Variants in SPOCK3 observed in about 807,000 individuals in gnomAD.
SPOCK3 encodes testican-3.
SPOCK3 carries 30 observed loss-of-function variants against 56.6 expected under a neutral mutation model. That is an observed-to-expected ratio of 0.53 (90% CI 0.40 to 0.72). The LOEUF is 0.72. Ranked by LOEUF, SPOCK3 falls within the 30% of genes least tolerant of loss-of-function variation. SPOCK3 has a pLI of 0.00. For synonymous variants in SPOCK3, 196 were observed against 183.3 expected, an observed-to-expected ratio of 1.07 and a Z score of -0.56; for missense variants, 527 against 530.0, an observed-to-expected ratio of 0.99 and a Z score of 0.06.
intron 4 of SPOCK3, among the ~76,000 whole-genome samples, chr4:166,929,972 T>A (rs1739551322): frequency 6.6e-6 from 1 of 152,154 alleles, no homozygotes; most frequent in South Asian, 2.1e-4. Flanking sequence ...TTCATCTAAA[T>A]AATGTTTAAA....
chr4:166,776,327 C>T (rs750540995), intron 7 of SPOCK3, among the ~76,000 whole-genome samples: 15 of 152,106 alleles, frequency 9.9e-5, no homozygotes, highest in Non-Finnish European at 1.9e-4. Context: ...GCAGGAGAAT[C>T]GCTTCAACCC....
chr4:167,065,062 T>G (rs1378652615), intron 2 of SPOCK3, among the ~76,000 whole-genome samples: 4 of 56,862 alleles, frequency 7.0e-5, no homozygotes, highest in East Asian at 4.3e-4. Flanking sequence ...AAAAAAAAAG[T>G]CAAACGCAGC....
At position 166,737,535 on chromosome 4, in the gene SPOCK3, T is replaced by C; in HGVS notation, c.1064A>G (p.Gln355Arg). Reference sequence around the variant, plus strand: ...TCCATATCTGTCAACACACCAGCACTGTCCAACACTGCCATGACATTGTGT... The same window carrying C: ...TCCATATCTGTCAACACACCAGCACCGTCCAACACTGCCATGACATTGTGT... ...KPTQCHGSVGQCWCVDRYGNE... is the reference protein window; with the variant it reads ...KPTQCHGSVGRCWCVDRYGNE... Residue 355 changes from glutamine (Q) to arginine (R), a missense_variant, in exon 10 of 11, where the codon CAG (glutamine) becomes CGG (arginine). Coordinates refer to ENST00000357545, the MANE Select transcript of SPOCK3 (RefSeq NM_001040159.2). 2 of 1,613,300 alleles carry C rather than the reference T, an allele frequency of 1.2e-6. No individual in the cohort carries two copies. The highest frequency in any genetic ancestry group is 1.7e-6 in the Non-Finnish European group (2 of 1,179,522).
intron 10 of SPOCK3, 101 bp downstream of exon 10, chr4:166,737,366 A>G (rs988107050): frequency 1.4e-4 from 172 of 1,271,626 alleles, no homozygotes; most frequent in Non-Finnish European, 1.7e-4. Flanking sequence ...CAGTCTTTGC[A>G]TAGAGTAAGT....
At chr4:167,120,953 A>G (rs1373631413) in intron 2 of SPOCK3, among the ~76,000 whole-genome samples, 1 of 151,864 alleles carries the variant, frequency 6.6e-6, no homozygotes, top group East Asian at 1.9e-4. Context: ...ATCATTACCA[A>G]ATGTCTATTT....
chr4:166,958,932 T>A (rs1293786488), intron 4 of SPOCK3, among the ~76,000 whole-genome samples: 1 of 152,118 alleles, frequency 6.6e-6, no homozygotes, highest in East Asian at 1.9e-4. Flanking sequence ...ATAAAATCAG[T>A]AAACGTGTTG....
intron 2 of SPOCK3, among the ~76,000 whole-genome samples, chr4:167,216,737 C>A (rs754239741): frequency 1.3e-5 from 2 of 152,060 alleles, no homozygotes; most frequent in Non-Finnish European, 2.9e-5. Context: ...CAGCTGAGAA[C>A]TGTGAATTCT....
chr4:167,037,389 G>A (rs770692116), intron 3 of SPOCK3, among the ~76,000 whole-genome samples: 1 of 151,932 alleles, frequency 6.6e-6, no homozygotes, highest in Non-Finnish European at 1.5e-5. Flanking sequence ...GGCTGAGGCA[G>A]GAAAATCGCT....
At chr4:167,161,877 C>T (rs1008152338) in intron 2 of SPOCK3, among the ~76,000 whole-genome samples, 22 of 102,772 alleles carry the variant, frequency 2.1e-4, no homozygotes, top group Non-Finnish European at 3.4e-4. Context: ...ACATCACACA[C>T]GGGGGACTGT....
chr4:166,793,266 T>G (rs955693335), intron 6 of SPOCK3, among the ~76,000 whole-genome samples: 8 of 152,052 alleles, frequency 5.3e-5, no homozygotes, highest in African/African-American at 1.9e-4. Flanking sequence ...CCATATACAT[T>G]ATATTATATG....
At chr4:167,070,960 T>C (rs1489858760) in intron 2 of SPOCK3, among the ~76,000 whole-genome samples, 2 of 152,008 alleles carry the variant, frequency 1.3e-5, no homozygotes, top group Non-Finnish European at 2.9e-5. Flanking sequence ...AATTCATTTA[T>C]AACACTTTGG....
At chr4:167,043,276 G>A (rs1753396067) in intron 3 of SPOCK3, among the ~76,000 whole-genome samples, 1 of 151,994 alleles carries the variant, frequency 6.6e-6, no homozygotes, top group Non-Finnish European at 1.5e-5. Flanking sequence ...AATCCCATTT[G>A]TTCTGAAGTA....
At chr4:166,822,515 G>A (rs1447422806) in intron 6 of SPOCK3, among the ~76,000 whole-genome samples, 1 of 151,970 alleles carries the variant, frequency 6.6e-6, no homozygotes, top group Non-Finnish European at 1.5e-5. Context: ...TAATTTCTTT[G>A]AGAAATTTTT....
At chr4:167,127,491 G>A (rs1359197437) in intron 2 of SPOCK3, among the ~76,000 whole-genome samples, 1 of 151,380 alleles carries the variant, frequency 6.6e-6, no homozygotes, top group Non-Finnish European at 1.5e-5. Context: ...GCAATGGCAT[G>A]ATCTCGGCTC....
intron 6 of SPOCK3, among the ~76,000 whole-genome samples, chr4:166,812,764 T>C (rs1743966654): frequency 6.6e-6 from 1 of 151,974 alleles, no homozygotes; most frequent in Non-Finnish European, 1.5e-5. Flanking sequence ...TTAAATTTAT[T>C]ATTTAAAAGT....
At chr4:166,987,964 C>T (rs768521102) in intron 4 of SPOCK3, among the ~76,000 whole-genome samples, 2 of 152,048 alleles carry the variant, frequency 1.3e-5, no homozygotes, top group Non-Finnish European at 2.9e-5. Context: ...TTTTCTCCTC[C>T]TATGTTGTAA....
intron 3 of SPOCK3, among the ~76,000 whole-genome samples, chr4:167,034,510 A>T (rs1209123818): frequency 6.6e-6 from 1 of 152,122 alleles, no homozygotes; most frequent in Non-Finnish European, 1.5e-5. Context: ...AATTAAAAAC[A>T]CTACCACAAA....
intron 5 of SPOCK3, among the ~76,000 whole-genome samples, chr4:166,902,919 T>C (rs1341051287): frequency 6.6e-6 from 1 of 150,670 alleles, no homozygotes; most frequent in African/African-American, 2.4e-5. Context: ...TATTATACAG[T>C]TGATGTCTGT....
At chr4:166,923,663 T>C (rs945006132) in intron 4 of SPOCK3, among the ~76,000 whole-genome samples, 1 of 152,216 alleles carries the variant, frequency 6.6e-6, no homozygotes, top group Non-Finnish European at 1.5e-5. Context: ...ACTGTTCCCA[T>C]CTATGCTTTG....
Sources: gnomAD v4.1 joint callset for allele counts (sites outside exome capture counted in the v4.1 genomes callset) on GRCh38, gnomAD v4.1.1 for gene constraint, MANE v1.5 for transcripts, NCBI Gene and HGNC (gene_info 2026-07-23, HGNC 2026-07-21) for gene names.